LRP1B: variants seen among roughly 807,000 people sequenced by gnomAD.
The protein encoded by LRP1B is low-density lipoprotein receptor-related protein 1B.
LRP1B carries 217 observed loss-of-function variants against 556.6 expected under a neutral mutation model. That is an observed-to-expected ratio of 0.39 (90% CI 0.35 to 0.44). The LOEUF is 0.44. Ranked by LOEUF, LRP1B falls within the 20% of genes least tolerant of loss-of-function variation. The pLI is 1.00. For synonymous variants in LRP1B, 2,047 were observed against 1,865.8 expected, an observed-to-expected ratio of 1.10 and a Z score of -2.50; for missense variants, 5,053 against 5,620.8, an observed-to-expected ratio of 0.90 and a Z score of 3.23.
chr2:141,287,286 T>C (rs1357158943), intron 3 of LRP1B, among the ~76,000 whole-genome samples: 1 of 151,922 alleles, frequency 6.6e-6, no homozygotes, highest in Non-Finnish European at 1.5e-5. Flanking sequence ...AGGGAGAATA[T>C]AGGGCATTAA....
At chr2:140,295,332 G>A (rs1339033186) in intron 84 of LRP1B, among the ~76,000 whole-genome samples, 1 of 152,136 alleles carries the variant, frequency 6.6e-6, no homozygotes, top group African/African-American at 2.4e-5. Flanking sequence ...ATATGTCAAG[G>A]AAAGGCTAGC....
intron 3 of LRP1B, among the ~76,000 whole-genome samples, chr2:141,376,388 C>A (rs1689437357): frequency 6.6e-6 from 1 of 152,198 alleles, no homozygotes; most frequent in Admixed American, 6.5e-5. Flanking sequence ...GACTGTCAGC[C>A]AGTCTCTGGC....
Position 140,287,641 on chromosome 2 carries a change from T to TA in LRP1B, c.12967+10166dup, listed in dbSNP as rs34500444. Among the ~76,000 whole-genome samples, 579 of 135,274 alleles carry TA rather than the reference T, an allele frequency of 4.3e-3. 6 individuals are homozygous for TA. Among genetic ancestry groups the TA allele is most frequent in the East Asian group, 0.014 (66 of 4,646 alleles). The allele number at this position is 135,274 out of a possible 152,430, so 88.7% of individuals were successfully genotyped here. A position where few individuals can be genotyped will look rare whatever the true frequency, so the allele number is the denominator to read the frequency against. ...ATGGATCTTCAAGGGATATTGCAAG[T>TA]AAAAAAAAAAAAAAAAAAAATCCAA... On this transcript the variant is annotated intron_variant, in intron 84 of 90. Transcript: ENST00000389484.
At chr2:141,767,135 AC>A (rs1017543888) in intron 2 of LRP1B, among the ~76,000 whole-genome samples, 23 of 152,112 alleles carry the variant, frequency 1.5e-4, no homozygotes, top group Admixed American at 1.2e-3. Flanking sequence ...AATGTCATGC[AC>A]CCAACAGTAA....
intron 63 of LRP1B, among the ~76,000 whole-genome samples, chr2:140,447,471 C>T (rs72897873): frequency 0.24 from 36,488 of 151,816 alleles, 4,703 homozygotes; most frequent in Non-Finnish European, 0.28. Flanking sequence ...GCAATGGCAT[C>T]ATGTTTAAAA....
At chr2:140,768,500 A>T (rs2104932555) in intron 35 of LRP1B, among the ~76,000 whole-genome samples, 1 of 152,074 alleles carries the variant, frequency 6.6e-6, no homozygotes, top group East Asian at 1.9e-4. Flanking sequence ...TGAAGATAAT[A>T]AATCTAAATG....
chr2:140,687,621 C>T (rs977799936), intron 41 of LRP1B, among the ~76,000 whole-genome samples: 3 of 151,986 alleles, frequency 2.0e-5, no homozygotes, highest in East Asian at 1.9e-4. Flanking sequence ...TTCTCTCTCT[C>T]TCTCAGTATT....
chr2:141,093,228 G>C (rs1416893046), intron 7 of LRP1B, among the ~76,000 whole-genome samples: 1 of 152,144 alleles, frequency 6.6e-6, no homozygotes, highest in African/African-American at 2.4e-5. Flanking sequence ...TAGGAGCCTG[G>C]AGAGTGCACT....
At chr2:140,306,357 CA>C (rs1439331356) in intron 83 of LRP1B, among the ~76,000 whole-genome samples, 1 of 152,008 alleles carries the variant, frequency 6.6e-6, no homozygotes, top group African/African-American at 2.4e-5. Flanking sequence ...TTCAGGGATT[CA>C]ACTTCTTCCT....
rs58871572 is a variant in LRP1B, at chr2:141,902,476, T to C, written c.83-92075A>G. Among the ~76,000 whole-genome samples the C allele has an allele frequency of 9.8e-3, 1,495 of 152,100 alleles. 24 individuals are homozygous for C. The highest frequency in any genetic ancestry group is 0.034 in the African/African-American group (1,415 of 41,546). On this transcript the variant is annotated intron_variant, in intron 1 of 90. Transcript: ENST00000389484. Reference sequence around the variant, plus strand: ...TTCTTGATTTAGCTTCTTCAAAGCCTATTCCGGGGGCTTCAAAATTTTAAA... The same window carrying C: ...TTCTTGATTTAGCTTCTTCAAAGCCCATTCCGGGGGCTTCAAAATTTTAAA...
At chr2:141,442,228 G>A (rs1327771164) in intron 3 of LRP1B, among the ~76,000 whole-genome samples, 1 of 152,190 alleles carries the variant, frequency 6.6e-6, no homozygotes. Flanking sequence ...ATGTGGAAAA[G>A]TCTGTATTTC....
At chr2:142,129,543 G>T (rs1017036192) in intron 1 of LRP1B, among the ~76,000 whole-genome samples, 2 of 150,770 alleles carry the variant, frequency 1.3e-5, no homozygotes, top group Non-Finnish European at 2.9e-5. Context: ...GCAACATTCT[G>T]CCTATTTGCT....
At chr2:141,741,983 G>A (rs1294283192) in intron 2 of LRP1B, among the ~76,000 whole-genome samples, 1 of 152,092 alleles carries the variant, frequency 6.6e-6, no homozygotes, top group Non-Finnish European at 1.5e-5. Flanking sequence ...GCAAATGATA[G>A]GCGTCTAGCT....
chr2:140,259,463 C>T (rs889905349), intron 86 of LRP1B, among the ~76,000 whole-genome samples: 4 of 151,862 alleles, frequency 2.6e-5, no homozygotes, highest in Non-Finnish European at 4.4e-5. Flanking sequence ...ATGAGAAAGC[C>T]GATTGAGAAT....
chr2:140,891,139 A>C (rs921075663), intron 23 of LRP1B, among the ~76,000 whole-genome samples: 1 of 152,136 alleles, frequency 6.6e-6, no homozygotes, highest in East Asian at 1.9e-4. Flanking sequence ...AAAATAAAGG[A>C]GGTCACAATT....
Position 141,273,107 on chromosome 2 carries a change from G to A in LRP1B, c.344-18466C>T, listed in dbSNP as rs1046053218. On this transcript the variant is annotated intron_variant, in intron 3 of 90. Transcript: ENST00000389484. ...GTGGATCACCTGAGGTCAGAAGTTC[G>A]AGACCAGCCTGGCCAATTTGGTGAA... Among the ~76,000 whole-genome samples the A allele has an allele frequency of 5.3e-5, 8 of 152,136 alleles. No individual in the cohort carries two copies. In the East Asian group the frequency reaches 9.7e-4, roughly 18 times the overall value.
At chr2:141,761,342 C>A (rs1694539009) in intron 2 of LRP1B, among the ~76,000 whole-genome samples, 1 of 115,152 alleles carries the variant, frequency 8.7e-6, no homozygotes, top group African/African-American at 3.0e-5. Context: ...AGGAATTTTC[C>A]CTCAGCAATC....
chr2:142,108,011 A>G (rs771483027), intron 1 of LRP1B, among the ~76,000 whole-genome samples: 1 of 150,690 alleles, frequency 6.6e-6, no homozygotes. Flanking sequence ...ATATATGTTC[A>G]TAATTTTCTT....
intron 45 of LRP1B, among the ~76,000 whole-genome samples, chr2:140,538,373 T>C (rs1172628449): frequency 6.6e-6 from 1 of 152,068 alleles, no homozygotes; most frequent in Non-Finnish European, 1.5e-5. Context: ...TTGTCCACCG[T>C]CTTTCTCTCC....
Sources: allele counts gnomAD v4.1 joint callset (sites outside exome capture counted in the v4.1 genomes callset), GRCh38; gene constraint gnomAD v4.1.1; transcripts MANE v1.5; gene names NCBI Gene and HGNC (gene_info 2026-07-23, HGNC 2026-07-21).